The following CDH13 variants were observed in gnomAD, a reference collection of about 807,000 sequenced individuals.
CDH13 encodes the protein cadherin-13.
Under a neutral mutation model 63.8 loss-of-function variants are expected in CDH13, and 24 were observed. The ratio of observed to expected loss-of-function variants is 0.38; its 90% CI spans 0.27 to 0.53. CDH13 has a LOEUF of 0.53. Among genes scored for constraint, CDH13 ranks in the 20% least tolerant of loss-of-function variants. CDH13 has a pLI of 0.85. For synonymous variants in CDH13, 503 were observed against 355.3 expected, an observed-to-expected ratio of 1.42 and a Z score of -4.67; for missense variants, 1,049 against 903.1, an observed-to-expected ratio of 1.16 and a Z score of -2.07.
intron 1 of CDH13, among the ~76,000 whole-genome samples, chr16:82,836,777 G>T (rs1597750576): frequency 6.6e-6 from 1 of 151,248 alleles, no homozygotes; most frequent in African/African-American, 2.5e-5. Context: ...TTCATGGCAA[G>T]ATGAGGTGAA....
chr16:83,713,272 G>A (rs1908340776), intron 10 of CDH13, among the ~76,000 whole-genome samples: 1 of 152,156 alleles, frequency 6.6e-6, no homozygotes, highest in Non-Finnish European at 1.5e-5. Flanking sequence ...TGCCAATCCA[G>A]CACACACCAG....
chr16:83,498,490 A>G (rs1410121955), intron 7 of CDH13, among the ~76,000 whole-genome samples: 1 of 152,224 alleles, frequency 6.6e-6, no homozygotes, highest in Non-Finnish European at 1.5e-5. Flanking sequence ...TGTGATAACA[A>G]AGAAACTGAA....
At chr16:83,084,219 C>G (rs1189112926) in intron 3 of CDH13, among the ~76,000 whole-genome samples, 3 of 152,172 alleles carry the variant, frequency 2.0e-5, no homozygotes, top group African/African-American at 7.2e-5. Flanking sequence ...GCATTATTAG[C>G]TGAGGAAAAA....
intron 7 of CDH13, among the ~76,000 whole-genome samples, chr16:83,530,426 G>C (rs529295851): frequency 6.6e-6 from 1 of 152,122 alleles, no homozygotes; most frequent in African/African-American, 2.4e-5. Flanking sequence ...TCGTAGTCAC[G>C]GAATCAGGAC....
At chr16:83,685,741 G>A (rs1192613006) in intron 10 of CDH13, among the ~76,000 whole-genome samples, 1 of 152,190 alleles carries the variant, frequency 6.6e-6, no homozygotes, top group African/African-American at 2.4e-5. Context: ...AAGGAGCAGA[G>A]TGGCACAAAT....
intron 8 of CDH13, among the ~76,000 whole-genome samples, chr16:83,668,738 C>A (rs530815099): frequency 1.5e-4 from 23 of 152,328 alleles, no homozygotes; most frequent in Non-Finnish European, 3.1e-4. Context: ...CACTAAACGA[C>A]TTTGGGCAGC....
At chr16:83,675,334 G>T (rs996088279) in intron 9 of CDH13, among the ~76,000 whole-genome samples, 2 of 152,120 alleles carry the variant, frequency 1.3e-5, no homozygotes, top group Non-Finnish European at 2.9e-5. Context: ...TTAGGCAAAT[G>T]GAAATAAACA....
chr16:82,640,064 G>A (rs1909198037), intron 1 of CDH13, among the ~76,000 whole-genome samples: 1 of 152,216 alleles, frequency 6.6e-6, no homozygotes, highest in Non-Finnish European at 1.5e-5. Flanking sequence ...TGGAGTTTGT[G>A]TTCTGATAGC....
At chr16:82,908,043 G>A (rs2041705949) in intron 2 of CDH13, among the ~76,000 whole-genome samples, 1 of 152,034 alleles carries the variant, frequency 6.6e-6, no homozygotes, top group African/African-American at 2.4e-5. Flanking sequence ...GTTATTCTGG[G>A]TAAATAATAT....
At chr16:83,357,625 C>T (rs552604503) in intron 6 of CDH13, among the ~76,000 whole-genome samples, 1 of 152,094 alleles carries the variant, frequency 6.6e-6, no homozygotes, top group Non-Finnish European at 1.5e-5. Context: ...GAAGAGGGTA[C>T]AACTGGCATC....
chr16:83,596,205 A>G (rs9924063), intron 7 of CDH13, among the ~76,000 whole-genome samples: 18,747 of 152,204 alleles, frequency 0.12, 2,539 homozygotes, highest in African/African-American at 0.32. Flanking sequence ...GCAGCTGGAC[A>G]AGTGAAAGTG....
chr16:82,762,859 C>T (rs2034906187), intron 1 of CDH13, among the ~76,000 whole-genome samples: 2 of 152,250 alleles, frequency 1.3e-5, no homozygotes, highest in South Asian at 4.1e-4. Flanking sequence ...TTTGGGTGGG[C>T]ACTCTCTTCA....
At chr16:82,709,995 G>C (rs1278784936) in intron 1 of CDH13, among the ~76,000 whole-genome samples, 1 of 151,828 alleles carries the variant, frequency 6.6e-6, no homozygotes, top group East Asian at 1.9e-4. Context: ...TTCTGGGCTT[G>C]ATAGCATGGG....
At chr16:82,887,585 C>G (rs1248838238) in intron 2 of CDH13, among the ~76,000 whole-genome samples, 1 of 152,104 alleles carries the variant, frequency 6.6e-6, no homozygotes, top group Non-Finnish European at 1.5e-5. Flanking sequence ...CTTTGGGAGG[C>G]CAAGGTGGGC....
intron 10 of CDH13, among the ~76,000 whole-genome samples, chr16:83,718,320 C>G (rs1210180646): frequency 6.6e-6 from 1 of 152,206 alleles, no homozygotes; most frequent in Non-Finnish European, 1.5e-5. Context: ...TGACCCCAGT[C>G]ATTGTCCAGG....
rs551207008 is a variant in CDH13, at chr16:83,591,202, C to G, written c.961-11252C>G. On this transcript the variant is annotated intron_variant, in intron 7 of 13. Coordinates refer to ENST00000567109, the MANE Select transcript of CDH13 (RefSeq NM_001257.5). ...GGGATTACAGGCATGAGCCACCGCA[C>G]CCAGCTGGACAAGCACTTTCAAGAA... Among the ~76,000 whole-genome samples, 62 of 152,278 alleles carry G rather than the reference C, an allele frequency of 4.1e-4. 2 individuals are homozygous for G. Among genetic ancestry groups the G allele is most frequent in the Admixed American group, 4.0e-3 (61 of 15,300 alleles).
chr16:83,297,535 G>T (rs965533685), intron 5 of CDH13, among the ~76,000 whole-genome samples: 2 of 152,062 alleles, frequency 1.3e-5, no homozygotes, highest in African/African-American at 4.8e-5. Flanking sequence ...GAGCACTCTT[G>T]TTTCTCACTG....
intron 1 of CDH13, among the ~76,000 whole-genome samples, chr16:82,787,196 C>T (rs2151127544): frequency 6.6e-6 from 1 of 152,238 alleles, no homozygotes; most frequent in South Asian, 2.1e-4. Context: ...GTGGAATTCT[C>T]CTGAGAACAG....
intron 10 of CDH13, among the ~76,000 whole-genome samples, chr16:83,687,986 C>G (rs535340234): frequency 3.3e-5 from 5 of 152,184 alleles, no homozygotes; most frequent in Non-Finnish European, 7.4e-5. Flanking sequence ...ATCTTTCTGA[C>G]CTGGATGCTT....
Sources: gnomAD v4.1 joint callset for allele counts (sites outside exome capture counted in the v4.1 genomes callset) on GRCh38, gnomAD v4.1.1 for gene constraint, MANE v1.5 for transcripts, NCBI Gene and HGNC (gene_info 2026-07-23, HGNC 2026-07-21) for gene names.